DOK6: variants seen among roughly 807,000 people sequenced by gnomAD.
DOK6 encodes the protein docking protein 6.
In DOK6, 22 loss-of-function variants were observed where a neutral mutation model predicts 44.0. The observed-to-expected ratio is 0.50, with a 90% confidence interval of 0.36 to 0.71. The LOEUF is 0.71. Ranked by LOEUF, DOK6 falls within the 30% of genes least tolerant of loss-of-function variation. The probability of loss-of-function intolerance (pLI) is 0.00; values close to 1 mark genes in which losing one functional copy is unlikely to be tolerated. For synonymous variants in DOK6, 166 were observed against 145.5 expected (o/e 1.14, Z -1.01); for missense variants, 340 against 416.4 (o/e 0.82, Z 1.60).
chr18:69,714,870 C>T (rs763074339), intron 5 of DOK6, among the ~76,000 whole-genome samples: 2 of 152,130 alleles, frequency 1.3e-5, no homozygotes, highest in African/African-American at 2.4e-5. Flanking sequence ...CTCAGAATTA[C>T]TCCAATAATA....
Position 69,624,214 on chromosome 18 carries a change from A to T in DOK6, c.289+24716A>T, listed in dbSNP as rs138821804. On this transcript the variant is annotated intron_variant, in intron 3 of 7. Coordinates refer to ENST00000382713, the MANE Select transcript of DOK6 (RefSeq NM_152721.6). Reference sequence around the variant, plus strand: ...CCATCCATAAAGAGATTAGTTTTAAAACATTTCATCATCACCATCATCATC... The same window carrying T: ...CCATCCATAAAGAGATTAGTTTTAATACATTTCATCATCACCATCATCATC... 5.8e-4 allele frequency among the ~76,000 whole-genome samples: 88 copies of T among 152,300 alleles called. 3 individuals are homozygous for T. The East Asian group carries it at 0.016, about 28-fold the overall frequency.
intron 1 of DOK6, among the ~76,000 whole-genome samples, chr18:69,487,738 G>A (rs899287496): frequency 3.3e-5 from 5 of 152,130 alleles, no homozygotes; most frequent in Admixed American, 2.6e-4. Flanking sequence ...ATTCTAGAGC[G>A]GGAGATCTTA....
At chr18:69,780,459 A>T (rs900761673) in intron 7 of DOK6, among the ~76,000 whole-genome samples, 6 of 152,088 alleles carry the variant, frequency 3.9e-5, no homozygotes, top group African/African-American at 1.2e-4. Flanking sequence ...GTGCATGGTG[A>T]TGTGTGCCTG....
At chr18:69,829,883 A>G (rs995192174) in intron 7 of DOK6, among the ~76,000 whole-genome samples, 5 of 152,120 alleles carry the variant, frequency 3.3e-5, no homozygotes, top group Non-Finnish European at 5.9e-5. Flanking sequence ...GAAAGAAAGT[A>G]CTTTTATATC....
intron 7 of DOK6, among the ~76,000 whole-genome samples, chr18:69,811,823 A>G (rs1312620849): frequency 3.3e-5 from 5 of 151,906 alleles, no homozygotes; most frequent in African/African-American, 1.2e-4. Flanking sequence ...CAAAGTCAGA[A>G]GGAACCTCAG....
chr18:69,469,754 G>A (rs62096617), intron 1 of DOK6: 601 of 250,848 alleles, frequency 2.4e-3, no homozygotes, highest in Non-Finnish European at 4.0e-3. Context: ...AGGCCAGGAC[G>A]CCATCGGCGA....
At chr18:69,509,284 T>C (rs1480893040) in intron 1 of DOK6, among the ~76,000 whole-genome samples, 1 of 152,182 alleles carries the variant, frequency 6.6e-6, no homozygotes, top group Non-Finnish European at 1.5e-5. Flanking sequence ...ATATATGAAA[T>C]TCAACCACCT....
chr18:69,791,616 A>G (rs188514277), intron 7 of DOK6, among the ~76,000 whole-genome samples: 103 of 152,204 alleles, frequency 6.8e-4, no homozygotes, highest in African/African-American at 2.4e-3. Flanking sequence ...ATTTTTTTCT[A>G]TAGAGTTCTT....
At chr18:69,681,699 T>C (rs749382927) in intron 4 of DOK6, among the ~76,000 whole-genome samples, 2 of 152,218 alleles carry the variant, frequency 1.3e-5, no homozygotes, top group Non-Finnish European at 2.9e-5. Context: ...AGATAGCCTA[T>C]ACTGACCATA....
At chr18:69,727,612 G>C (rs1480830345) in intron 5 of DOK6, among the ~76,000 whole-genome samples, 1 of 152,166 alleles carries the variant, frequency 6.6e-6, no homozygotes, top group Non-Finnish European at 1.5e-5. Flanking sequence ...TGTAGATCTG[G>C]CCTGATGACT....
At chr18:69,558,923 A>G (rs1213892063) in intron 1 of DOK6, among the ~76,000 whole-genome samples, 7 of 152,146 alleles carry the variant, frequency 4.6e-5, no homozygotes, top group South Asian at 2.1e-4. Context: ...GAAGCTGTAT[A>G]GAGTATACAG....
chr18:69,647,261 G>A (rs956388579), intron 3 of DOK6: 1 of 150,776 alleles, frequency 6.6e-6, no homozygotes, highest in Non-Finnish European at 1.5e-5. Context: ...TTTTTCTTAT[G>A]TACTTGTAAA....
At chr18:69,477,758 TATTC>T (rs1191686136) in intron 1 of DOK6, among the ~76,000 whole-genome samples, 1 of 152,214 alleles carries the variant, frequency 6.6e-6, no homozygotes, top group Non-Finnish European at 1.5e-5. Flanking sequence ...GCATGATCAA[TATTC>T]ATTTATCAGT....
At chr18:69,680,280 T>A (rs1986015348) in intron 4 of DOK6, among the ~76,000 whole-genome samples, 1 of 152,164 alleles carries the variant, frequency 6.6e-6, no homozygotes, top group Non-Finnish European at 1.5e-5. Context: ...ATGTTTAGCA[T>A]TAAAAGAAAA....
intron 1 of DOK6, among the ~76,000 whole-genome samples, chr18:69,440,101 T>C (rs1034855742): frequency 6.6e-6 from 1 of 152,174 alleles, no homozygotes; most frequent in Admixed American, 6.6e-5. Context: ...CATTGTTGTC[T>C]CAGGGAATCT....
rs141890265 is a variant in DOK6 at position 69,535,111 on chromosome 18, A to G, written c.67-29376A>G. 2.9e-4 allele frequency among the ~76,000 whole-genome samples: 44 copies of G among 152,206 alleles called. 1 individual carries two copies. Among genetic ancestry groups the G allele is most frequent in the African/African-American group, 1.0e-3 (42 of 41,560 alleles). ...TGTAAAGTTGCACAAGAGATCTTAT[A>G]AGGGTTTTGGTTAAAATTGCATTTA... On this transcript the variant is annotated intron_variant, in intron 1 of 7. Coordinates refer to ENST00000382713, the MANE Select transcript of DOK6 (RefSeq NM_152721.6).
intron 7 of DOK6, among the ~76,000 whole-genome samples, chr18:69,806,576 C>T (rs952872521): frequency 4.6e-5 from 7 of 151,908 alleles, no homozygotes; most frequent in African/African-American, 1.7e-4. Flanking sequence ...TCTGTCCTGA[C>T]TAGAAACAAA....
At chr18:69,477,839 C>T (rs926669380) in intron 1 of DOK6, among the ~76,000 whole-genome samples, 3 of 152,122 alleles carry the variant, frequency 2.0e-5, no homozygotes, top group African/African-American at 2.4e-5. Flanking sequence ...TTTTCGTATC[C>T]GTTATCTTCC....
chr18:69,564,351 T>G (rs972407397), intron 1 of DOK6, 136 bp from the exon 2 acceptor site: 54 of 672,868 alleles, frequency 8.0e-5, no homozygotes, highest in Admixed American at 1.3e-4. Flanking sequence ...ACTGTAATCT[T>G]AATTAAGAAC....
Sources: allele counts gnomAD v4.1 joint callset (sites outside exome capture counted in the v4.1 genomes callset), GRCh38; gene constraint gnomAD v4.1.1; transcripts MANE v1.5; gene names NCBI Gene and HGNC (gene_info 2026-07-23, HGNC 2026-07-21).